COG1: variants seen among roughly 807,000 people sequenced by gnomAD.
The protein encoded by COG1 is conserved oligomeric Golgi complex subunit 1.
COG1 carries 61 observed loss-of-function variants against 102.2 expected under a neutral mutation model. The ratio of observed to expected loss-of-function variants is 0.60; its 90% CI spans 0.49 to 0.74. The LOEUF (loss-of-function observed/expected upper bound fraction) is 0.74, where lower values mean the gene tolerates loss of function less well. COG1 is among the 30% of genes least tolerant of loss of function. The pLI, the probability that COG1 is intolerant of heterozygous loss-of-function variation, is 0.00. For missense variants in COG1, 1,164 were observed against 1,232.1 expected (o/e 0.94, Z 0.83); for synonymous variants, 454 against 493.6 (o/e 0.92, Z 1.06).
intron 1 of COG1, among the ~76,000 whole-genome samples, chr17:73,194,730 A>T (rs1411035470): frequency 6.6e-6 from 1 of 152,106 alleles, no homozygotes; most frequent in East Asian, 1.9e-4. Context: ...TCCCAAAGTG[A>T]TGGGATTACA....
chr17:73,208,032 T>C (rs1458731885), intron 13 of COG1: 8 of 1,342,258 alleles, frequency 6.0e-6, no homozygotes, highest in Non-Finnish European at 6.7e-6. Context: ...GATCTTTCAG[T>C]TCTGCCCACA....
At chr17:73,203,831 T>TAACACA (rs753731772) in intron 9 of COG1, 38 bp downstream of exon 9, 2 of 1,611,418 alleles carry the variant, frequency 1.2e-6, no homozygotes, top group African/African-American at 2.7e-5. Flanking sequence ...AAACACAAAT[T>TAACACA]AAACAAAAGA....
intron 9 of COG1, 98 bp downstream of exon 9, chr17:73,203,891 C>T: frequency 7.3e-7 from 1 of 1,375,946 alleles, no homozygotes; most frequent in Non-Finnish European, 1.0e-6. Flanking sequence ...AAGACTCAAA[C>T]TGTTAAGGAT....
intron 7 of COG1, among the ~76,000 whole-genome samples, chr17:73,202,294 G>A (rs910817485): frequency 1.3e-5 from 2 of 152,088 alleles, no homozygotes; most frequent in Non-Finnish European, 2.9e-5. Flanking sequence ...AGCCGAGATC[G>A]CACCACTGCA....
At position 73,193,177 on chromosome 17, in the gene COG1, G is replaced by C. The variant is rs775416698; in HGVS notation, c.108G>C (p.Gln36His). The part of the protein sequence containing the change: ...GAEEIRGLER[Q>H]VRAEIEHKKE... Reference sequence around the variant, plus strand: ...AGGAGATCCGCGGGCTGGAGCGCCAGGTTCGGGCCGAGATCGAGCACAAGA... The same window carrying C: ...AGGAGATCCGCGGGCTGGAGCGCCACGTTCGGGCCGAGATCGAGCACAAGA... The change falls in exon 1 of 14, where the codon CAG becomes CAC. Residue 36 changes from glutamine (Q) to histidine (H), a missense_variant. By Grantham distance (24) the Gln-to-His change is conservative. Coordinates refer to ENST00000299886, the MANE Select transcript of COG1 (RefSeq NM_018714.3). 4 of 1,607,946 alleles carry C rather than the reference G, an allele frequency of 2.5e-6. No individual in the cohort carries two copies. In the South Asian group the frequency reaches 3.3e-5, roughly 13 times the overall value.
chr17:73,205,757 G>C, intron 10 of COG1, 77 bp downstream of exon 10: 2 of 1,573,932 alleles, frequency 1.3e-6, no homozygotes, highest in Non-Finnish European at 1.7e-6. Flanking sequence ...GAAGCCACCA[G>C]AGTCAGCCTG....
At chr17:73,202,822 G>C (rs1292693244) in intron 7 of COG1, 178 bp from the exon 8 acceptor site, 2 of 703,858 alleles carry the variant, frequency 2.8e-6, no homozygotes, top group Non-Finnish European at 2.5e-6. Flanking sequence ...TTATAGGGTA[G>C]TTAGCAACAA....
At chr17:73,206,289 T>A (rs757569286) in intron 11 of COG1, 27 bp downstream of exon 11, 13 of 1,565,944 alleles carry the variant, frequency 8.3e-6, no homozygotes, top group Non-Finnish European at 1.1e-5. Context: ...ACATGCTTAG[T>A]GCGAACGAAG....
intron 13 of COG1, chr17:73,207,686 A>C: frequency 7.7e-7 from 1 of 1,293,718 alleles, no homozygotes; most frequent in Non-Finnish European, 1.0e-6. Context: ...TCTTGTTAAT[A>C]CACGTTTCAT....
rs1310561277 is a variant in COG1, at chr17:73,197,063, C to T, written c.724C>T (p.Leu242Phe). 1 of 1,614,214 alleles carries T rather than the reference C, an allele frequency of 6.2e-7. No individual in the cohort carries two copies. The highest frequency in any genetic ancestry group is 2.2e-5 in the East Asian group (1 of 44,882). The change falls in exon 3 of 14, where the codon CTC (leucine) becomes TTC (phenylalanine). Residue 242 changes from leucine (L) to phenylalanine (F), a missense_variant. Transcript: ENST00000299886. ...CAGAAAGGCAACTATTCAGAAACTTCTCAACCAGCCACACCATGGTGGGTG... is the reference window on the plus strand; with the variant it reads ...CAGAAAGGCAACTATTCAGAAACTTTTCAACCAGCCACACCATGGTGGGTG... ...LARKATIQKL[L>F]NQPHHGAGIK...
At position 73,206,688 on chromosome 17, in the gene COG1, C is replaced by T. The variant is rs964522245; in HGVS notation, c.2620-20C>T. 6 of 1,502,494 alleles carry T rather than the reference C, an allele frequency of 4.0e-6. No individual in the cohort carries two copies. The highest frequency in any genetic ancestry group is 2.3e-5 in the East Asian group (1 of 44,192). 93.1% of individuals were successfully genotyped at this position (1,502,494 alleles called of 1,614,324 possible). A position where few individuals can be genotyped will look rare whatever the true frequency, so the allele number is the denominator to read the frequency against. ...TTTTACCTGCACAATGAAACCTCTG[C>T]TCCACCTCTTGTCTGCCAGGTTCTG... On this transcript the variant is annotated intron_variant, in intron 11 of 13. Coordinates refer to ENST00000299886, the MANE Select transcript of COG1 (RefSeq NM_018714.3).
Position 73,197,340 on chromosome 17 carries a change from T to C in COG1, c.857T>C (p.Leu286Pro), listed in dbSNP as rs1314075364. ...GAAGGACTGCTGCCAGATCCAGCCCTGCCATGTGGCTTGCTCTTCTCTACT... is the reference window on the plus strand; with the variant it reads ...GAAGGACTGCTGCCAGATCCAGCCCCGCCATGTGGCTTGCTCTTCTCTACT... ...LPEGLLPDPA[L>P]PCGLLFSTLE... The change falls in exon 4 of 14, where the codon CTG becomes CCG. Residue 286 changes from leucine (L) to proline (P), a missense_variant. By Grantham distance (98) the Leu-to-Pro change is moderately conservative. Coordinates refer to ENST00000299886, the MANE Select transcript of COG1 (RefSeq NM_018714.3). 3.1e-6 allele frequency: 5 copies of C among 1,614,122 alleles called. No homozygotes were observed. The African/African-American group carries it at 6.7e-5, about 22-fold the overall frequency.
At chr17:73,207,411 T>C in intron 13 of COG1, 155 bp downstream of exon 13, 2 of 781,556 alleles carry the variant, frequency 2.6e-6, no homozygotes, top group African/African-American at 1.7e-5. Flanking sequence ...AAGTACAAGG[T>C]TTTACTAGCT....
intron 7 of COG1, 52 bp downstream of exon 7, chr17:73,201,952 A>C (rs1272692485): frequency 3.9e-6 from 6 of 1,543,222 alleles, no homozygotes; most frequent in Non-Finnish European, 3.6e-6. Context: ...GTCATATTCC[A>C]GTCTTGCCAA....
rs2061325755 is a variant in COG1, at chr17:73,196,552, A to G, written c.361A>G (p.Ile121Val). The change falls in exon 2 of 14, where the codon ATC becomes GTC. Residue 121 changes from isoleucine (I) to valine (V), a missense_variant. Ile to Val is a conservative substitution (Grantham distance 29). Transcript: ENST00000299886. ...GAAGTTCTACAGCATGGCTGCCCAG[A>G]TCAAGCTACTCTTAGAAATTCCGGA... ...QEKFYSMAAQ[I>V]KLLLEIPEKI... 6.2e-7 allele frequency: 1 copy of G among 1,614,084 alleles called. No homozygotes were observed. The highest frequency in any genetic ancestry group is 1.7e-5 in the Admixed American group (1 of 60,012).
chr17:73,197,056 G>A lies in COG1; in HGVS notation c.717G>A (p.Gln239=). The A allele has an allele frequency of 6.2e-7, 1 of 1,614,194 alleles. No individual in the cohort carries two copies. The highest frequency in any genetic ancestry group is 1.1e-5 in the South Asian group (1 of 91,082). Residue 239 remains glutamine, a synonymous_variant, in exon 3 of 14, where the codon CAG becomes CAA. Coordinates refer to ENST00000299886, the MANE Select transcript of COG1 (RefSeq NM_018714.3). Reference sequence around the variant, plus strand: ...TGCTGGCCAGAAAGGCAACTATTCAGAAACTTCTCAACCAGCCACACCATG... The same window carrying A: ...TGCTGGCCAGAAAGGCAACTATTCAAAAACTTCTCAACCAGCCACACCATG... ...DFLLARKATI[Q]KLLNQPHHGA... is the part of the protein sequence containing the mutation.
chr17:73,208,507 A>C lies in COG1; in HGVS notation c.*56A>C, dbSNP rs1186613577. The C allele has an allele frequency of 1.0e-5, 16 of 1,585,606 alleles. No homozygotes were observed. Among genetic ancestry groups the C allele is most frequent in the Admixed American group, 6.7e-5 (4 of 59,970 alleles). The stretch of plus-strand genomic sequence containing the variant: ...AATACTACCACATTATTTCTTCTAA[A>C]GGTGCCTCTGCTCATCTGATTCTCA... On this transcript the variant is annotated 3_prime_UTR_variant, in exon 14 of 14. Transcript: ENST00000299886.
At chr17:73,196,460 T>C (rs2061325297) in intron 1 of COG1, 47 bp from the exon 2 acceptor site, 2 of 1,613,706 alleles carry the variant, frequency 1.2e-6, no homozygotes, top group East Asian at 4.5e-5. Flanking sequence ...AACACTGAGA[T>C]TGCTTTTGTT....
intron 9 of COG1, among the ~76,000 whole-genome samples, chr17:73,204,332 A>G (rs927019136): frequency 1.3e-5 from 2 of 152,168 alleles, no homozygotes; most frequent in African/African-American, 2.4e-5. Context: ...TAAACCGCTC[A>G]GTGGTTTCCT....
Sources: gnomAD v4.1 joint callset for allele counts (sites outside exome capture counted in the v4.1 genomes callset) on GRCh38, gnomAD v4.1.1 for gene constraint, MANE v1.5 for transcripts, NCBI Gene and HGNC (gene_info 2026-07-23, HGNC 2026-07-21) for gene names.